The following ATG7 variants were observed in gnomAD, a reference collection of about 807,000 sequenced individuals.
ATG7 encodes the protein autophagy related 7, also known as ubiquitin-like modifier-activating enzyme ATG7.
Under a neutral mutation model 82.4 loss-of-function variants are expected in ATG7, and 70 were observed. The ratio of observed to expected loss-of-function variants is 0.85; its 90% CI spans 0.70 to 1.04. The LOEUF is 1.04. Ranked by LOEUF, ATG7 falls within the 50% of genes least tolerant of loss-of-function variation. The pLI, the probability that ATG7 is intolerant of heterozygous loss-of-function variation, is 0.00. For missense variants in ATG7, 792 were observed against 864.3 expected, an observed-to-expected ratio of 0.92 and a Z score of 1.05; for synonymous variants, 287 against 313.0, an observed-to-expected ratio of 0.92 and a Z score of 0.88.
At chr3:11,367,758 GTT>G (rs112564113) in intron 18 of ATG7, among the ~76,000 whole-genome samples, 6 of 135,282 alleles carry the variant, frequency 4.4e-5, no homozygotes, top group African/African-American at 8.1e-5. Context: ...TTTGTTTTGG[GTT>G]TTTTTTTTTT....
At chr3:11,373,430 G>A (rs1205229063) in intron 18 of ATG7, among the ~76,000 whole-genome samples, 1 of 152,140 alleles carries the variant, frequency 6.6e-6, no homozygotes, top group African/African-American at 2.4e-5. Context: ...GTGTAACTAA[G>A]GTTAGTAACA....
At chr3:11,564,623 G>T in the ATG7 span, 1 of 758,774 alleles carries the variant, frequency 1.3e-6, no homozygotes, top group South Asian at 1.8e-5. Flanking sequence ...CTGTTCTGCT[G>T]TCCCTTGTCC....
At chr3:11,437,964 C>T (rs987760095) in intron 20 of ATG7, among the ~76,000 whole-genome samples, 1 of 152,146 alleles carries the variant, frequency 6.6e-6, no homozygotes, top group Non-Finnish European at 1.5e-5. Context: ...GGATTTTAAA[C>T]TATTGTTTGC....
chr3:11,382,982 G>A (rs11712877), intron 19 of ATG7, among the ~76,000 whole-genome samples: 2,463 of 152,204 alleles, frequency 0.016, 31 homozygotes, highest in Non-Finnish European at 0.027. Flanking sequence ...GTAAGTTGGA[G>A]ACATTCTGAT....
chr3:11,536,347 T>C (rs2070294424), intron 20 of ATG7, among the ~76,000 whole-genome samples: 1 of 152,210 alleles, frequency 6.6e-6, no homozygotes, highest in Non-Finnish European at 1.5e-5. Context: ...CAATGTGGGC[T>C]CAGGGAATGT....
intron 20 of ATG7, among the ~76,000 whole-genome samples, chr3:11,438,123 AC>A (rs919974434): frequency 2.0e-5 from 3 of 152,048 alleles, no homozygotes; most frequent in African/African-American, 7.3e-5. Context: ...AGACACAATT[AC>A]CCTATTAGGC....
At chr3:11,483,112 C>A (rs2089207776) in intron 20 of ATG7, among the ~76,000 whole-genome samples, 1 of 152,070 alleles carries the variant, frequency 6.6e-6, no homozygotes, top group South Asian at 2.1e-4. Context: ...AAAAAGAAAC[C>A]AAAGTAGTGG....
chr3:11,281,867 C>G (rs1943118357), intron 2 of ATG7, among the ~76,000 whole-genome samples: 1 of 151,650 alleles, frequency 6.6e-6, no homozygotes, highest in East Asian at 1.9e-4. Flanking sequence ...TTTTAAAGTA[C>G]TTCTCCCGTT....
chr3:11,340,672 A>G lies in ATG7; in HGVS notation c.917A>G (p.Lys306Arg). Reference protein sequence around the residue: ...PDCPKAVGWEKNQKGGMGPRM... With the variant: ...PDCPKAVGWERNQKGGMGPRM... ...TGTCCTAAAGCAGTTGGATGGGAAA[A>G]GAACCAGAAAGGAGGCATGGGACCA... is the stretch of plus-strand genomic sequence containing the variant. The change falls in exon 12 of 21, where the codon AAG becomes AGG. Residue 306 changes from lysine to arginine, a missense_variant. Coordinates refer to ENST00000693202, the MANE Select transcript of ATG7 (RefSeq NM_001349232.2). 2 of 1,613,780 alleles carry G rather than the reference A, an allele frequency of 1.2e-6. No individual in the cohort carries two copies. Among genetic ancestry groups the G allele is most frequent in the Non-Finnish European group, 1.7e-6 (2 of 1,179,822 alleles).
At chr3:11,563,781 TCAAA>T in the ATG7 span, among the ~76,000 whole-genome samples, 5 of 152,234 alleles carry the variant, frequency 3.3e-5, no homozygotes, top group African/African-American at 4.8e-5. Context: ...AATGGATGAA[TCAAA>T]CAAACAGGAT....
intron 5 of ATG7, among the ~76,000 whole-genome samples, chr3:11,304,923 A>C (rs1457131248): frequency 6.6e-6 from 1 of 152,174 alleles, no homozygotes; most frequent in Non-Finnish European, 1.5e-5. Context: ...TAGTAGATTC[A>C]TAGAGTTGTG....
chr3:11,509,317 G>A (rs1357041141), intron 20 of ATG7, among the ~76,000 whole-genome samples: 3 of 152,178 alleles, frequency 2.0e-5, no homozygotes. Flanking sequence ...TAAAGGGCCA[G>A]GCAGGCCCTC....
At chr3:11,347,339 C>T (rs1326315187) in intron 13 of ATG7, among the ~76,000 whole-genome samples, 1 of 152,178 alleles carries the variant, frequency 6.6e-6, no homozygotes, top group Non-Finnish European at 1.5e-5. Context: ...AGAATATAGA[C>T]TTGTTCCCTA....
intron 18 of ATG7, among the ~76,000 whole-genome samples, chr3:11,377,776 G>A (rs896852850): frequency 5.3e-5 from 8 of 152,144 alleles, no homozygotes; most frequent in African/African-American, 1.9e-4. Context: ...CTCACTGTGA[G>A]TATTCTCAAG....
intron 11 of ATG7, among the ~76,000 whole-genome samples, chr3:11,338,737 C>T (rs973443949): frequency 3.9e-5 from 6 of 152,170 alleles, no homozygotes; most frequent in Middle Eastern, 3.2e-3. Context: ...GGGGGAAGGA[C>T]GTTTGTTTTC....
intron 20 of ATG7, among the ~76,000 whole-genome samples, chr3:11,461,416 C>T (rs554625905): frequency 1.2e-4 from 18 of 152,296 alleles, no homozygotes; most frequent in African/African-American, 1.9e-4. Context: ...AGAATTTCCA[C>T]GGCGTCTTTT....
intron 20 of ATG7, among the ~76,000 whole-genome samples, chr3:11,552,904 G>A (rs2071948449): frequency 6.6e-6 from 1 of 152,188 alleles, no homozygotes; most frequent in Non-Finnish European, 1.5e-5. Context: ...ATGATAAAAT[G>A]GGTAACACCT....
intron 19 of ATG7, among the ~76,000 whole-genome samples, chr3:11,422,769 T>TTTTTTTTTTTTTTTTTTTTTG (rs1386943052): frequency 1.9e-5 from 2 of 102,628 alleles, no homozygotes; most frequent in African/African-American, 7.9e-5. Context: ...TTTTTTTTTT[T>TTTTTTTTTTTTTTTTTTTTTG]GGAGACAGAG....
chr3:11,376,188 G>C (rs1394427030), intron 18 of ATG7, among the ~76,000 whole-genome samples: 1 of 152,186 alleles, frequency 6.6e-6, no homozygotes, highest in Non-Finnish European at 1.5e-5. Context: ...GTCTGAGAGA[G>C]GGGAGAATGA....
Sources: allele counts gnomAD v4.1 joint callset (sites outside exome capture counted in the v4.1 genomes callset), GRCh38; gene constraint gnomAD v4.1.1; transcripts MANE v1.5; gene names NCBI Gene and HGNC (gene_info 2026-07-23, HGNC 2026-07-21).